The following MICAL2 variants were observed in gnomAD, a reference collection of about 807,000 sequenced individuals.
MICAL2 encodes the protein [F-actin]-monooxygenase MICAL2.
In MICAL2, 77 loss-of-function variants were observed where a neutral mutation model predicts 127.3. That is an observed-to-expected ratio of 0.60 (90% CI 0.50 to 0.73). The LOEUF (loss-of-function observed/expected upper bound fraction) is 0.73. MICAL2 is among the 30% of genes least tolerant of loss of function. MICAL2 has a pLI of 0.00. For missense variants in MICAL2, 1,351 were observed against 1,434.4 expected, an observed-to-expected ratio of 0.94 and a Z score of 0.94; for synonymous variants, 570 against 551.1, an observed-to-expected ratio of 1.03 and a Z score of -0.48.
intron 1 of MICAL2, among the ~76,000 whole-genome samples, chr11:12,119,549 C>T (rs897699999): frequency 2.0e-5 from 3 of 152,154 alleles, no homozygotes; most frequent in African/African-American, 4.8e-5. Flanking sequence ...TTGTCTAGGC[C>T]GAGACAGATG....
intron 3 of MICAL2, among the ~76,000 whole-genome samples, chr11:12,166,804 T>C (rs1221004277): frequency 1.3e-5 from 2 of 152,046 alleles, no homozygotes; most frequent in African/African-American, 2.4e-5. Flanking sequence ...ACAGGGGTAG[T>C]CTGGGAACGC....
intron 12 of MICAL2, among the ~76,000 whole-genome samples, chr11:12,224,282 C>A (rs1857151099): frequency 6.6e-6 from 1 of 152,128 alleles, no homozygotes; most frequent in South Asian, 2.1e-4. Context: ...TTGGAGAATT[C>A]CCCTCCCAGC....
At chr11:12,231,603 C>T (rs965377979) in intron 15 of MICAL2, among the ~76,000 whole-genome samples, 5 of 152,190 alleles carry the variant, frequency 3.3e-5, no homozygotes, top group Admixed American at 6.5e-5. Flanking sequence ...GAGCAGTGAA[C>T]GAAACAAGCG....
rs766948713 is a variant in MICAL2 at position 12,209,522 on chromosome 11, C to T, written c.615C>T (p.Leu205=). ...AAATTGGCTGGCGGGCAGAATTTCTCCCTACAGACCATTCTCTGTCGGAGT... is the reference window on the plus strand; with the variant it reads ...AAATTGGCTGGCGGGCAGAATTTCTTCCTACAGACCATTCTCTGTCGGAGT... ...NQKIGWRAEF[L]PTDHSLSEFE... Residue 205 remains leucine (L), a synonymous_variant, in exon 6 of 28, where the codon CTC becomes CTT. Transcript: ENST00000683283. 1.9e-6 allele frequency: 3 copies of T among 1,614,126 alleles called. No individual in the cohort carries two copies. The highest frequency in any genetic ancestry group is 2.2e-5 in the South Asian group (2 of 91,070).
At chr11:12,349,767 T>C (rs1186330770) in intron 32 of MICAL2, 1 of 1,444,230 alleles carries the variant, frequency 6.9e-7, no homozygotes, top group Non-Finnish European at 9.7e-7. Context: ...CCTGCTAAAG[T>C]GGCTCAAAGC....
chr11:12,319,995 G>A (rs1457658353), intron 30 of MICAL2, among the ~76,000 whole-genome samples: 2 of 151,776 alleles, frequency 1.3e-5, no homozygotes, highest in African/African-American at 4.8e-5. Context: ...AAAAAAACTT[G>A]TAGAAGTTTG....
At chr11:12,185,045 C>T (rs901088970) in intron 3 of MICAL2, among the ~76,000 whole-genome samples, 1 of 86,996 alleles carries the variant, frequency 1.1e-5, no homozygotes, top group Non-Finnish European at 2.4e-5. Flanking sequence ...TGTAGAAGAC[C>T]TAGAATAGCA....
At chr11:12,205,845 A>T (rs541604280) in intron 4 of MICAL2, among the ~76,000 whole-genome samples, 1 of 152,186 alleles carries the variant, frequency 6.6e-6, no homozygotes, top group Non-Finnish European at 1.5e-5. Flanking sequence ...TCGTCCCCAG[A>T]CTTCAGAATC....
intron 6 of MICAL2, 71 bp from the exon 7 acceptor site, chr11:12,213,184 C>T: frequency 2.7e-6 from 4 of 1,509,026 alleles, no homozygotes; most frequent in South Asian, 1.3e-5. Flanking sequence ...GAACAGCTCT[C>T]CCAATAATCA....
chr11:12,315,942 G>A lies in MICAL2; in HGVS notation c.5213-3754G>A, dbSNP rs113617269. Reference sequence around the variant, plus strand: ...AATTAATATTTAATTAATCAAGCACGTCTGTATTTTGTTTCTTTAATTTAA... The same window carrying A: ...AATTAATATTTAATTAATCAAGCACATCTGTATTTTGTTTCTTTAATTTAA... On this transcript the variant is annotated intron_variant, in intron 29 of 34. Coordinates refer to the MICAL2 transcript ENST00000646065. 5.7e-3 allele frequency among the ~76,000 whole-genome samples: 874 copies of A among 152,106 alleles called. 11 individuals carry two copies. Among genetic ancestry groups the A allele is most frequent in the African/African-American group, 0.02 (834 of 41,532 alleles).
At chr11:12,247,549 G>T (rs143324121) in intron 21 of MICAL2, among the ~76,000 whole-genome samples, 25 of 152,306 alleles carry the variant, frequency 1.6e-4, no homozygotes, top group African/African-American at 5.5e-4. Context: ...GGTTCATGCA[G>T]GTCACACTGT....
intron 33 of MICAL2, among the ~76,000 whole-genome samples, chr11:12,350,793 C>A (rs1939031177): frequency 6.6e-6 from 1 of 152,164 alleles, no homozygotes; most frequent in South Asian, 2.1e-4. Flanking sequence ...TCCTAGGCTG[C>A]AATAACAAAT....
At chr11:12,299,564 T>C (rs1180255521) in intron 29 of MICAL2, among the ~76,000 whole-genome samples, 1 of 152,244 alleles carries the variant, frequency 6.6e-6, no homozygotes, top group East Asian at 1.9e-4. Flanking sequence ...TAATTTCAGG[T>C]ACTTGTCAGT....
chr11:12,119,168 C>T (rs773336313), intron 1 of MICAL2, among the ~76,000 whole-genome samples: 13 of 152,174 alleles, frequency 8.5e-5, no homozygotes, highest in Non-Finnish European at 8.8e-5. Flanking sequence ...CTCCTCCCCT[C>T]GTGAACAGGA....
chr11:12,126,567 C>T (rs1850936505), intron 1 of MICAL2, among the ~76,000 whole-genome samples: 1 of 152,110 alleles, frequency 6.6e-6, no homozygotes, highest in South Asian at 2.1e-4. Flanking sequence ...CTTATTTACC[C>T]TGGGCAATTA....
intron 32 of MICAL2, among the ~76,000 whole-genome samples, chr11:12,346,781 G>A (rs888273012): frequency 2.0e-4 from 31 of 152,126 alleles, no homozygotes; most frequent in Admixed American, 1.4e-3. Context: ...GCCCCTGTCC[G>A]GCACCACTAA....
chr11:12,262,575 T>A, intron 27 of MICAL2, 38 bp downstream of exon 27: 2 of 1,559,274 alleles, frequency 1.3e-6, no homozygotes, highest in South Asian at 1.1e-5. Context: ...AGAGTGGTAC[T>A]AACCCCCAAC....
downstream of MICAL2, chr11:12,293,681 C>T (rs762018110): frequency 1.9e-6 from 3 of 1,614,136 alleles, no homozygotes; most frequent in Non-Finnish European, 2.5e-6. Flanking sequence ...GTATCTGCCT[C>T]ATCACCCAAA....
chr11:12,334,693 G>C (rs1938716656), intron 32 of MICAL2, among the ~76,000 whole-genome samples: 1 of 148,154 alleles, frequency 6.7e-6, no homozygotes. Flanking sequence ...CTGTGAGTGA[G>C]AACATGTGGT....
Sources: gnomAD v4.1 joint callset for allele counts (sites outside exome capture counted in the v4.1 genomes callset) on GRCh38, gnomAD v4.1.1 for gene constraint, MANE v1.5 for transcripts, NCBI Gene and HGNC (gene_info 2026-07-23, HGNC 2026-07-21) for gene names.